STAU2: variants seen among roughly 807,000 people sequenced by gnomAD.
STAU2 encodes staufen double-stranded RNA binding protein 2.
A neutral mutation model predicts 65.9 loss-of-function variants in STAU2; 20 were observed. The observed-to-expected ratio is 0.30, with a 90% CI of 0.21 to 0.44. The LOEUF (loss-of-function observed/expected upper bound fraction) is 0.44. Ranked by LOEUF, STAU2 falls within the 20% of genes least tolerant of loss-of-function variation. STAU2 has a pLI of 1.00. For synonymous variants in STAU2, 232 were observed against 233.9 expected (o/e 0.99, Z 0.07); for missense variants, 558 against 683.9 (o/e 0.82, Z 2.05).
At chr8:73,448,092 C>G (rs1818574545) in intron 13 of STAU2, among the ~76,000 whole-genome samples, 1 of 152,176 alleles carries the variant, frequency 6.6e-6, no homozygotes. Context: ...TGACTGGACC[C>G]TCCCAAGGAG....
chr8:73,613,293 C>A (rs1225035503), intron 9 of STAU2, among the ~76,000 whole-genome samples: 1 of 152,158 alleles, frequency 6.6e-6, no homozygotes, highest in Non-Finnish European at 1.5e-5. Context: ...TAAGAAGTTA[C>A]TATGCAACAG....
intron 6 of STAU2, among the ~76,000 whole-genome samples, chr8:73,620,857 TCTC>T (rs1381567464): frequency 6.6e-6 from 1 of 152,150 alleles, no homozygotes; most frequent in Non-Finnish European, 1.5e-5. Flanking sequence ...ATATATCACA[TCTC>T]CTCATACCAT....
At chr8:73,475,418 G>A (rs1006911642) in intron 13 of STAU2, among the ~76,000 whole-genome samples, 2 of 152,076 alleles carry the variant, frequency 1.3e-5, no homozygotes, top group Non-Finnish European at 2.9e-5. Context: ...GATTTGCTTC[G>A]AGGCTTTGCA....
At chr8:73,515,771 CTCT>C (rs1822673573) in intron 13 of STAU2, among the ~76,000 whole-genome samples, 4 of 95,398 alleles carry the variant, frequency 4.2e-5, no homozygotes, top group Non-Finnish European at 6.2e-5. Context: ...GAAAAAATTT[CTCT>C]TTTTTTTTTT....
intron 13 of STAU2, among the ~76,000 whole-genome samples, chr8:73,481,830 T>A (rs1325720409): frequency 6.6e-6 from 1 of 152,090 alleles, no homozygotes; most frequent in Non-Finnish European, 1.5e-5. Flanking sequence ...GAATCACAGT[T>A]GAGTATGACT....
chr8:73,482,274 G>A (rs1300263477), intron 13 of STAU2, among the ~76,000 whole-genome samples: 3 of 151,822 alleles, frequency 2.0e-5, no homozygotes, highest in Non-Finnish European at 4.4e-5. Context: ...TCCCACCGGG[G>A]CCACCATAGC....
intron 4 of STAU2, among the ~76,000 whole-genome samples, chr8:73,690,081 C>G (rs757198279): frequency 1.3e-5 from 2 of 151,608 alleles, no homozygotes; most frequent in Non-Finnish European, 2.9e-5. Flanking sequence ...GTAATCCCAG[C>G]ACTTTGGGAG....
intron 13 of STAU2, among the ~76,000 whole-genome samples, chr8:73,483,399 C>T (rs903414330): frequency 8.5e-5 from 13 of 152,142 alleles, no homozygotes; most frequent in Admixed American, 7.9e-4. Flanking sequence ...TTATATGTGA[C>T]CATTTATATA....
In STAU2 at chr8:73,741,948, T is replaced by C. The variant is rs1351804848; in HGVS notation, c.-196-2080A>G. On this transcript the variant is annotated intron_variant, in intron 1 of 14. Transcript: ENST00000524300. ...TTTACAATATAAAGAGCTGTAGAAA[T>C]TAAAACACATGAAACTAATGTCTAT... is the stretch of plus-strand genomic sequence containing the variant. Among the ~76,000 whole-genome samples the C allele has an allele frequency of 3.9e-5, 6 of 152,224 alleles. No homozygotes were observed. The East Asian group carries it at 1.2e-3, about 29-fold the overall frequency.
At chr8:73,560,149 C>T (rs532183085) in intron 12 of STAU2, among the ~76,000 whole-genome samples, 30 of 146,858 alleles carry the variant, frequency 2.0e-4, no homozygotes, top group Non-Finnish European at 3.7e-4. Context: ...GGCGCCATCT[C>T]GGCTCACTGC....
intron 4 of STAU2, among the ~76,000 whole-genome samples, chr8:73,694,669 G>A (rs192771180): frequency 2.0e-5 from 3 of 152,206 alleles, no homozygotes; most frequent in Admixed American, 6.5e-5. Flanking sequence ...ACAGTGTCTG[G>A]CTTTAACTTC....
chr8:73,676,835 A>G (rs1818059329), intron 5 of STAU2, among the ~76,000 whole-genome samples: 1 of 152,212 alleles, frequency 6.6e-6, no homozygotes, highest in Non-Finnish European at 1.5e-5. Flanking sequence ...ACCTCAAGTG[A>G]TCCACCCACC....
At chr8:73,585,201 C>A (rs910109684) in intron 11 of STAU2, among the ~76,000 whole-genome samples, 1 of 152,234 alleles carries the variant, frequency 6.6e-6, no homozygotes, top group African/African-American at 2.4e-5. Flanking sequence ...ATACAATTGG[C>A]TGGATGTGGT....
chr8:73,601,169 C>A (rs1811606407), intron 10 of STAU2, among the ~76,000 whole-genome samples: 1 of 152,182 alleles, frequency 6.6e-6, no homozygotes, highest in Non-Finnish European at 1.5e-5. Flanking sequence ...AGCTCATTCA[C>A]ATGAATCAAA....
chr8:73,639,757 A>T (rs945630317), intron 6 of STAU2, among the ~76,000 whole-genome samples: 4 of 152,108 alleles, frequency 2.6e-5, no homozygotes, highest in African/African-American at 9.7e-5. Context: ...TATTATTTTT[A>T]TCTCTCCCAA....
At chr8:73,737,183 T>C (rs1451566177) in intron 3 of STAU2, among the ~76,000 whole-genome samples, 2 of 150,340 alleles carry the variant, frequency 1.3e-5, no homozygotes, top group East Asian at 4.0e-4. Context: ...ACTTTTGTTT[T>C]TTTTTTGAGA....
intron 6 of STAU2, among the ~76,000 whole-genome samples, chr8:73,646,853 ACT>A (rs1815410477): frequency 6.6e-6 from 1 of 151,920 alleles, no homozygotes; most frequent in Admixed American, 6.6e-5. Context: ...TATATACAAA[ACT>A]CTCAAAACTC....
At chr8:73,711,157 A>AAAC (rs1820873841) in intron 3 of STAU2, among the ~76,000 whole-genome samples, 1 of 146,068 alleles carries the variant, frequency 6.8e-6, no homozygotes, top group Non-Finnish European at 1.5e-5. Context: ...AAAAAAAAAA[A>AAAC]CTAGTAATTA....
chr8:73,554,572 T>A (rs995349718), intron 12 of STAU2, among the ~76,000 whole-genome samples: 1 of 152,180 alleles, frequency 6.6e-6, no homozygotes, highest in Non-Finnish European at 1.5e-5. Context: ...GGCATGAGGG[T>A]ATCTTAAATT....
Sources: allele counts gnomAD v4.1 joint callset (sites outside exome capture counted in the v4.1 genomes callset), GRCh38; gene constraint gnomAD v4.1.1; transcripts MANE v1.5; gene names NCBI Gene and HGNC (gene_info 2026-07-23, HGNC 2026-07-21).